The following PPFIBP2 variants were observed in gnomAD, a reference collection of about 807,000 sequenced individuals.
PPFIBP2 encodes PPFIB scaffold protein 2, also known as liprin-beta-2.
In PPFIBP2, 118 loss-of-function variants were observed where a neutral mutation model predicts 118.3. That is an observed-to-expected ratio of 1.00 (90% CI 0.86 to 1.16). PPFIBP2 has a LOEUF of 1.16. Ranked by LOEUF, PPFIBP2 falls within the 50% of genes most tolerant of loss-of-function variation. The pLI is 0.00. For synonymous variants in PPFIBP2, 414 were observed against 397.4 expected (o/e 1.04, Z -0.50); for missense variants, 1,195 against 1,073.1 (o/e 1.11, Z -1.59).
chr11:7,651,688 G>C lies in PPFIBP2; in HGVS notation c.2280G>C (p.Leu760=). Reference sequence around the variant, plus strand: ...AGCCACGCTTCACTGGGGACACCCTGGCTATGCTTCTCAACATCCCCCCAC... The same window carrying C: ...AGCCACGCTTCACTGGGGACACCCTCGCTATGCTTCTCAACATCCCCCCAC... The part of the protein sequence containing the change: ...ILEPRFTGDT[L]AMLLNIPPQK... The change falls in exon 23 of 24, where the codon CTG becomes CTC. Residue 760 remains leucine, a synonymous_variant. Coordinates refer to ENST00000299492, the MANE Select transcript of PPFIBP2 (RefSeq NM_003621.5). 3 of 1,613,190 alleles carry C rather than the reference G, an allele frequency of 1.9e-6. No individual in the cohort carries two copies. In the South Asian group the frequency reaches 3.3e-5, roughly 18 times the overall value.
chr11:7,610,513 G>A (rs1847938255), intron 6 of PPFIBP2, 91 bp downstream of exon 6: 2 of 1,525,860 alleles, frequency 1.3e-6, no homozygotes, highest in Non-Finnish European at 1.8e-6. Flanking sequence ...CAGCCTGGAA[G>A]CTATTGGGTG....
At chr11:7,525,102 C>T (rs1481559110) in intron 1 of PPFIBP2, among the ~76,000 whole-genome samples, 2 of 152,114 alleles carry the variant, frequency 1.3e-5, no homozygotes, top group Admixed American at 6.5e-5. Flanking sequence ...CTGTCCTGCC[C>T]CCTCATTCTA....
intron 2 of PPFIBP2, among the ~76,000 whole-genome samples, chr11:7,553,061 TG>T (rs907115247): frequency 6.6e-6 from 1 of 151,134 alleles, no homozygotes; most frequent in East Asian, 1.9e-4. Context: ...ACATGCTAGA[TG>T]TTTTTTTTTC....
intron 3 of PPFIBP2, chr11:7,577,337 G>GTC: frequency 8.9e-6 from 3 of 336,464 alleles, no homozygotes. Flanking sequence ...GTGTGTGTGT[G>GTC]TGTGTGTGTG....
chr11:7,617,816 C>T (rs1239910026), intron 6 of PPFIBP2, among the ~76,000 whole-genome samples: 1 of 152,128 alleles, frequency 6.6e-6, no homozygotes, highest in Non-Finnish European at 1.5e-5. Context: ...ATCTGAATTT[C>T]CAGGAAAAAT....
chr11:7,655,440 C>T (rs1854589784), downstream of PPFIBP2: 5 of 1,289,698 alleles, frequency 3.9e-6, no homozygotes, highest in Non-Finnish European at 5.1e-6. Context: ...CAGATGGCAC[C>T]TTCGGAAGGT....
chr11:7,537,338 T>TC (rs1851316193), intron 1 of PPFIBP2, among the ~76,000 whole-genome samples: 4 of 152,154 alleles, frequency 2.6e-5, no homozygotes, highest in Non-Finnish European at 4.4e-5. Context: ...GACACTTTTT[T>TC]TCCCCCCCAC....
chr11:7,663,962 C>A, the PPFIBP2 span, among the ~76,000 whole-genome samples: 1 of 152,208 alleles, frequency 6.6e-6, no homozygotes, highest in South Asian at 2.1e-4. Context: ...ACTCCCTGAC[C>A]CCTTGTGCTT....
intron 5 of PPFIBP2, among the ~76,000 whole-genome samples, chr11:7,607,749 A>G (rs1454666821): frequency 2.0e-5 from 3 of 152,140 alleles, no homozygotes; most frequent in African/African-American, 7.2e-5. Context: ...GCAGCTGGGA[A>G]GCTCACATGT....
intron 3 of PPFIBP2, among the ~76,000 whole-genome samples, chr11:7,579,910 C>T (rs1208868967): frequency 1.3e-5 from 2 of 151,864 alleles, no homozygotes; most frequent in African/African-American, 4.8e-5. Flanking sequence ...TTTCACTATT[C>T]TCTACCCTAA....
intron 4 of PPFIBP2, among the ~76,000 whole-genome samples, chr11:7,596,385 TCTTG>T (rs571240140): frequency 1.9e-3 from 236 of 123,788 alleles, no homozygotes; most frequent in African/African-American, 6.9e-3. Context: ...AAGAGCCCGT[TCTTG>T]TTTTTTTTTT....
the PPFIBP2 span, among the ~76,000 whole-genome samples, chr11:7,663,722 T>C: frequency 9.7e-4 from 148 of 152,252 alleles, 1 homozygote; most frequent in African/African-American, 1.9e-3. Context: ...CAAGCCTGGG[T>C]AATGGCGGGC....
downstream of PPFIBP2, among the ~76,000 whole-genome samples, chr11:7,659,219 C>T (rs2136089101): frequency 6.7e-6 from 1 of 149,106 alleles, no homozygotes; most frequent in African/African-American, 2.5e-5. Context: ...AGTCCTTGCC[C>T]ATGCCTATGT....
chr11:7,648,817 C>G lies in PPFIBP2; in HGVS notation c.1815C>G (p.His605Gln). 1.2e-6 allele frequency: 2 copies of G among 1,613,976 alleles called. No individual in the cohort carries two copies. Among genetic ancestry groups the G allele is most frequent in the South Asian group, 1.1e-5 (1 of 91,078 alleles). The change falls in exon 19 of 24, where the codon CAC (histidine) becomes CAG (glutamine). Residue 605 changes from histidine (H) to glutamine (Q), a missense_variant. His to Gln is a conservative substitution (Grantham distance 24, BLOSUM62 0). Transcript: ENST00000299492. The part of the protein sequence containing the change: ...QDMEKELGIK[H>Q]PLHRKKLVLA... ...AATTTCAGGAGCTAGGAATTAAGCA[C>G]CCACTCCACAGGAAGAAGCTTGTTT...
At chr11:7,525,451 G>A (rs891002883) in intron 1 of PPFIBP2, among the ~76,000 whole-genome samples, 51 of 152,302 alleles carry the variant, frequency 3.3e-4, no homozygotes, top group Admixed American at 3.3e-3. Context: ...ATCATCCAGA[G>A]GGCTTATCCT....
Position 7,621,067 on chromosome 11 carries a change from G to A in PPFIBP2, c.711+40G>A, listed in dbSNP as rs140084492. On this transcript the variant is annotated intron_variant, in intron 7 of 23. Transcript: ENST00000299492. ...TGATGCTTATGGAGAGAGTATGAGG[G>A]CCTTGTGGGGAGGGTCTGCATTCCA... The A allele has an allele frequency of 2.0e-3, 3,008 of 1,478,628 alleles. 9 individuals are homozygous for A. The highest frequency in any genetic ancestry group is 0.01 in the Middle Eastern group (58 of 5,776). The allele number at this position is 1,478,628 out of a possible 1,614,324, so 91.6% of individuals were successfully genotyped here.
In PPFIBP2 at chr11:7,653,050, C is replaced by G. The variant is rs199741061; in HGVS notation, c.2463C>G (p.Phe821Leu). Residue 821 changes from phenylalanine to leucine, a missense_variant, in exon 24 of 24, where the codon TTC (phenylalanine) becomes TTG (leucine). Transcript: ENST00000299492. Reference sequence around the variant, plus strand: ...CAAGGAAACTAGGATTTTCACACTTCGGAAACATAAGAAAAAAGAAGTTCG... The same window carrying G: ...CAAGGAAACTAGGATTTTCACACTTGGGAAACATAAGAAAAAAGAAGTTCG... The part of the protein sequence containing the change: ...VRPRKLGFSH[F>L]GNIRKKKFDE... The G allele has an allele frequency of 1.9e-6, 3 of 1,612,678 alleles. No individual in the cohort carries two copies. The Admixed American group carries it at 5.0e-5, about 27-fold the overall frequency.
At chr11:7,608,378 C>T (rs764885913) in intron 5 of PPFIBP2, among the ~76,000 whole-genome samples, 47 of 152,234 alleles carry the variant, frequency 3.1e-4, no homozygotes, top group Non-Finnish European at 6.0e-4. Context: ...TGGTGGTTGA[C>T]GCCTATAATC....
chr11:7,594,393 G>A (rs1046770701), intron 4 of PPFIBP2, among the ~76,000 whole-genome samples: 2 of 152,086 alleles, frequency 1.3e-5, no homozygotes, highest in Admixed American at 1.3e-4. Flanking sequence ...AAATAATTGG[G>A]TATCTACAAC....
Sources: gnomAD v4.1 joint callset for allele counts (sites outside exome capture counted in the v4.1 genomes callset) on GRCh38, gnomAD v4.1.1 for gene constraint, MANE v1.5 for transcripts, NCBI Gene and HGNC (gene_info 2026-07-23, HGNC 2026-07-21) for gene names.